The following DNAH14 variants were observed in gnomAD, a reference collection of about 807,000 sequenced individuals.
DNAH14 encodes dynein axonemal heavy chain 14.
Under a neutral mutation model 520.9 loss-of-function variants are expected in DNAH14, and 478 were observed. The observed-to-expected ratio is 0.92, with a 90% CI of 0.85 to 0.99. The LOEUF is 0.99. DNAH14 is among the 50% of genes least tolerant of loss of function. The probability of loss-of-function intolerance (pLI) is 0.00; values close to 1 mark genes in which losing one functional copy is unlikely to be tolerated. For missense variants in DNAH14, 4,831 were observed against 5,234.5 expected (o/e 0.92, Z 2.38); for synonymous variants, 1,581 against 1,757.2 (o/e 0.90, Z 2.51).
intron 64 of DNAH14, among the ~76,000 whole-genome samples, chr1:225,325,302 T>A (rs2094637136): frequency 6.6e-6 from 1 of 151,938 alleles, no homozygotes; most frequent in East Asian, 1.9e-4. Flanking sequence ...CTGGCCAACA[T>A]GGTGAAACCC....
intron 3 of DNAH14, among the ~76,000 whole-genome samples, chr1:224,955,831 C>G (rs1362025950): frequency 6.6e-6 from 1 of 152,028 alleles, no homozygotes; most frequent in East Asian, 1.9e-4. Context: ...ACAACTTAAA[C>G]AAAACAACCC....
Position 225,038,782 on chromosome 1 carries a change from G to A in DNAH14, c.1447G>A (p.Val483Ile). Residue 483 changes from valine to isoleucine, a missense_variant, in exon 12 of 86, where the codon GTT becomes ATT. By Grantham distance (29) the Val-to-Ile change is conservative. Transcript: ENST00000682510. ...VDNSKLHAIS[V>I]QKSEVKTDTD... is the part of the protein sequence containing the mutation. The stretch of plus-strand genomic sequence containing the variant: ...TAATTCAAAGTTACATGCTATTTCT[G>A]TTCAAAAGTCAGAAGTAAAAACAGA... The A allele has an allele frequency of 6.6e-7, 1 of 1,519,586 alleles. No homozygotes were observed. The highest frequency in any genetic ancestry group is 2.3e-5 in the Admixed American group (1 of 43,638). 94.1% of individuals were successfully genotyped at this position (1,519,586 alleles called of 1,614,324 possible).
intron 75 of DNAH14, 67 bp from the exon 76 acceptor site, chr1:225,364,725 A>G (rs576488246): frequency 2.3e-5 from 27 of 1,170,062 alleles, no homozygotes; most frequent in Non-Finnish European, 2.9e-5. Context: ...GTGAAATGCT[A>G]TGATTCTAAA....
chr1:225,393,814 G>GTT (rs1354333069), intron 84 of DNAH14, among the ~76,000 whole-genome samples: 26 of 143,120 alleles, frequency 1.8e-4, no homozygotes, highest in African/African-American at 5.7e-4. Context: ...ATCTTTTTTT[G>GTT]TTTTTTTTTT....
chr1:225,343,012 A>T lies in DNAH14; in HGVS notation c.10678+2311A>T, dbSNP rs578061310. Among the ~76,000 whole-genome samples the T allele has an allele frequency of 2.4e-4, 36 of 152,308 alleles. 1 individual carries two copies. The highest frequency in any genetic ancestry group is 6.5e-4 in the Admixed American group (10 of 15,294). On this transcript the variant is annotated intron_variant, in intron 69 of 85. Transcript: ENST00000682510. ...AGCAAGACAGATCTGCCTGTCTTGT[A>T]TCAGTGCAATGTCTTGTATCAGTGC... is the stretch of plus-strand genomic sequence containing the variant.
intron 15 of DNAH14, among the ~76,000 whole-genome samples, chr1:225,048,548 A>G (rs56251723): frequency 0.055 from 8,412 of 152,234 alleles, 474 homozygotes; most frequent in East Asian, 0.24. Context: ...ACATGATTCA[A>G]TAGTCTTTTT....
At chr1:225,374,437 T>A (rs1411081163) in intron 77 of DNAH14, among the ~76,000 whole-genome samples, 1 of 150,702 alleles carries the variant, frequency 6.6e-6, no homozygotes, top group Non-Finnish European at 1.5e-5. Flanking sequence ...ATTTTTGTAT[T>A]TTTAGTAGAG....
intron 84 of DNAH14, among the ~76,000 whole-genome samples, chr1:225,395,545 T>G (rs949534433): frequency 3.5e-5 from 5 of 141,960 alleles, no homozygotes; most frequent in African/African-American, 1.1e-4. Context: ...TGAGCAGAGA[T>G]CGCGCCACTG....
At chr1:225,278,938 C>T (rs77827124) in intron 54 of DNAH14, among the ~76,000 whole-genome samples, 5 of 152,058 alleles carry the variant, frequency 3.3e-5, no homozygotes, top group Non-Finnish European at 5.9e-5. Flanking sequence ...TAAAACATGG[C>T]AAATTCCTGA....
chr1:225,392,167 C>T, intron 83 of DNAH14, 124 bp from the exon 84 acceptor site: 1 of 1,218,812 alleles, frequency 8.2e-7, no homozygotes, highest in South Asian at 1.6e-5. Flanking sequence ...CCCAGCCCAT[C>T]TCTTTTGTTC....
chr1:225,070,129 C>T (rs979300170), intron 17 of DNAH14, among the ~76,000 whole-genome samples: 1 of 151,876 alleles, frequency 6.6e-6, no homozygotes, highest in African/African-American at 2.4e-5. Context: ...AGCAGTGTCT[C>T]TTTTATTAAT....
At chr1:225,324,973 ATAT>A (rs1265059068) in intron 64 of DNAH14, 141 bp downstream of exon 64, 2 of 428,442 alleles carry the variant, frequency 4.7e-6, no homozygotes, top group African/African-American at 2.1e-5. Flanking sequence ...TAAGTAAATA[ATAT>A]TATTGGTAAT....
At chr1:224,960,800 C>T (rs1191087289) in intron 4 of DNAH14, among the ~76,000 whole-genome samples, 1 of 152,046 alleles carries the variant, frequency 6.6e-6, no homozygotes, top group Non-Finnish European at 1.5e-5. Flanking sequence ...TTCACTGAAA[C>T]ACCATGGTAC....
chr1:225,277,049 G>A (rs933095308), intron 53 of DNAH14, among the ~76,000 whole-genome samples: 2 of 107,698 alleles, frequency 1.9e-5, no homozygotes, highest in Non-Finnish European at 3.7e-5. Context: ...AGGAAGGGAA[G>A]GAAAGGAAAG....
Position 225,271,922 on chromosome 1 carries a change from A to G in DNAH14, c.7688A>G (p.Tyr2563Cys). ...CTIFQAHLGI[Y>C]FSINNFTPEV... ...TTTTTAAAGGCTCATTTGGGAATTTATTTCTCCATCAATAACTTCACACCT... is the reference window on the plus strand; with the variant it reads ...TTTTTAAAGGCTCATTTGGGAATTTGTTTCTCCATCAATAACTTCACACCT... The change falls in exon 51 of 86, where the codon TAT (tyrosine) becomes TGT (cysteine). Residue 2563 changes from tyrosine (Y) to cysteine (C), a missense_variant. Coordinates refer to ENST00000682510, the MANE Select transcript of DNAH14 (RefSeq NM_001367479.1). The G allele has an allele frequency of 3.2e-6, 5 of 1,539,912 alleles. No homozygotes were observed. The highest frequency in any genetic ancestry group is 4.4e-6 in the Non-Finnish European group (5 of 1,144,198).
intron 21 of DNAH14, among the ~76,000 whole-genome samples, chr1:225,089,378 A>G (rs1226395847): frequency 1.5e-5 from 2 of 136,676 alleles, no homozygotes; most frequent in African/African-American, 5.5e-5. Context: ...CGGGAGGCAG[A>G]GGTTGCAGTG....
At chr1:225,368,813 C>T (rs527892217) in intron 77 of DNAH14, among the ~76,000 whole-genome samples, 1 of 152,252 alleles carries the variant, frequency 6.6e-6, no homozygotes, top group East Asian at 1.9e-4. Context: ...TTAGGCTTTT[C>T]AGTTTTGAAA....
chr1:225,179,771 A>C (rs1169786293), intron 36 of DNAH14, among the ~76,000 whole-genome samples: 1 of 152,162 alleles, frequency 6.6e-6, no homozygotes, highest in Non-Finnish European at 1.5e-5. Context: ...GAAGAACTCC[A>C]TTTAGCCTTT....
At chr1:225,200,911 G>C (rs2149395686) in intron 38 of DNAH14, among the ~76,000 whole-genome samples, 1 of 152,140 alleles carries the variant, frequency 6.6e-6, no homozygotes, top group East Asian at 1.9e-4. Flanking sequence ...TCTCTAGTAA[G>C]GCTGGTGAAG....
Sources: allele counts gnomAD v4.1 joint callset (sites outside exome capture counted in the v4.1 genomes callset), GRCh38; gene constraint gnomAD v4.1.1; transcripts MANE v1.5; gene names NCBI Gene and HGNC (gene_info 2026-07-23, HGNC 2026-07-21).